The following GPC6 variants were observed in gnomAD, a reference collection of about 807,000 sequenced individuals.
GPC6 encodes the protein glypican-6.
Under a neutral mutation model 55.2 loss-of-function variants are expected in GPC6, and 14 were observed. That is an observed-to-expected ratio of 0.25 (90% CI 0.17 to 0.40). The LOEUF is 0.40. GPC6 is among the 10% of genes least tolerant of loss of function. The pLI is 1.00. For synonymous variants in GPC6, 278 were observed against 259.6 expected (o/e 1.07, Z -0.68); for missense variants, 641 against 708.5 (o/e 0.90, Z 1.08).
At chr13:93,727,877 A>G (rs553774640) in intron 2 of GPC6, among the ~76,000 whole-genome samples, 1 of 152,044 alleles carries the variant, frequency 6.6e-6, no homozygotes, top group Admixed American at 6.6e-5. Context: ...GCTGCTAAAC[A>G]TTCCTAACCA....
intron 1 of GPC6, among the ~76,000 whole-genome samples, chr13:93,290,815 G>A (rs1180804548): frequency 6.6e-6 from 1 of 151,984 alleles, no homozygotes; most frequent in African/African-American, 2.4e-5. Context: ...TTGTAACTTG[G>A]CCATGAAGAA....
At chr13:93,939,246 A>G (rs2140361210) in intron 3 of GPC6, among the ~76,000 whole-genome samples, 1 of 151,476 alleles carries the variant, frequency 6.6e-6, no homozygotes, top group Non-Finnish European at 1.5e-5. Flanking sequence ...AAAAAGAGAA[A>G]TTCTTCTTTA....
In GPC6 at chr13:94,201,608, T is replaced by G. The variant is rs1031394913; in HGVS notation, c.878-84741T>G. ...GTCATGATCACCTAAATACTTGCATTTGGAAGCATATAATAAGCATCAGCT... is the reference window on the plus strand; with the variant it reads ...GTCATGATCACCTAAATACTTGCATGTGGAAGCATATAATAAGCATCAGCT... On this transcript the variant is annotated intron_variant, in intron 4 of 8. Coordinates refer to ENST00000377047, the MANE Select transcript of GPC6 (RefSeq NM_005708.5). Among the ~76,000 whole-genome samples the G allele has an allele frequency of 2.0e-5, 3 of 152,254 alleles. No homozygotes were observed. The South Asian group carries it at 6.2e-4, about 32-fold the overall frequency.
intron 2 of GPC6, 134 bp from the exon 3 acceptor site, chr13:93,830,020 T>A (rs779340526): frequency 4.3e-5 from 27 of 623,348 alleles, no homozygotes; most frequent in Non-Finnish European, 6.9e-5. Flanking sequence ...TTTTTATCTG[T>A]CCATTAACAC....
chr13:93,395,476 T>A, intron 1 of GPC6: 1 of 207,450 alleles, frequency 4.8e-6, no homozygotes, highest in Non-Finnish European at 9.8e-6. Context: ...TCACATCAAT[T>A]TTCCCATACT....
chr13:93,535,652 G>T (rs1320518885), intron 1 of GPC6, among the ~76,000 whole-genome samples: 2 of 146,196 alleles, frequency 1.4e-5, no homozygotes, highest in Non-Finnish European at 3.0e-5. Context: ...GATGGACTGT[G>T]TATCAGCCAC....
rs1215125710 is a variant in GPC6 at position 94,169,643 on chromosome 13, A to G, written c.878-116706A>G. Among the ~76,000 whole-genome samples the G allele has an allele frequency of 5.3e-5, 8 of 152,226 alleles. No homozygotes were observed. The South Asian group carries it at 1.4e-3, about 28-fold the overall frequency. On this transcript the variant is annotated intron_variant, in intron 4 of 8. Transcript: ENST00000377047. ...CCACAACAAATTACAAAGGCATATT[A>G]GAAAGCACTGCTACAAAGGAATGAA...
intron 3 of GPC6, among the ~76,000 whole-genome samples, chr13:93,961,581 C>T (rs185594151): frequency 5.6e-4 from 85 of 152,228 alleles, no homozygotes; most frequent in African/African-American, 2.0e-3. Context: ...TTTTGAAATG[C>T]ATAGACCATC....
At chr13:94,060,300 T>C (rs997303216) in intron 4 of GPC6, among the ~76,000 whole-genome samples, 26 of 152,186 alleles carry the variant, frequency 1.7e-4, no homozygotes, top group Non-Finnish European at 3.8e-4. Flanking sequence ...TTCTTTTGAA[T>C]CTTTATTATC....
chr13:93,310,674 G>T (rs939709093), intron 1 of GPC6, among the ~76,000 whole-genome samples: 9 of 152,048 alleles, frequency 5.9e-5, no homozygotes, highest in Non-Finnish European at 1.2e-4. Context: ...ATTTTCCCAT[G>T]GTTTTATTAT....
At chr13:94,264,295 T>C (rs989099937) in intron 4 of GPC6, among the ~76,000 whole-genome samples, 2 of 152,242 alleles carry the variant, frequency 1.3e-5, no homozygotes, top group African/African-American at 4.8e-5. Flanking sequence ...ATTCATTTAT[T>C]GAATCTCTTT....
chr13:93,615,569 A>G (rs1428205088), intron 2 of GPC6, among the ~76,000 whole-genome samples: 1 of 152,170 alleles, frequency 6.6e-6, no homozygotes, highest in Admixed American at 6.5e-5. Flanking sequence ...GCTTTCACAT[A>G]GATCACGCAT....
intron 1 of GPC6, among the ~76,000 whole-genome samples, chr13:93,231,338 T>G (rs867415542): frequency 0.29 from 20,854 of 72,824 alleles, 2,243 homozygotes; most frequent in Admixed American, 0.41. Context: ...TACGTATATA[T>G]ATATATACAT....
intron 2 of GPC6, among the ~76,000 whole-genome samples, chr13:93,677,712 T>C (rs1881689939): frequency 6.6e-6 from 1 of 152,126 alleles, no homozygotes; most frequent in Non-Finnish European, 1.5e-5. Context: ...GTCACATGAC[T>C]AATTACAAGG....
intron 4 of GPC6, among the ~76,000 whole-genome samples, chr13:94,038,248 C>T (rs1377776262): frequency 6.6e-6 from 1 of 151,850 alleles, no homozygotes; most frequent in African/African-American, 2.4e-5. Flanking sequence ...CTGTATTGGA[C>T]AGGCAGGCTT....
At chr13:94,091,305 T>G (rs558248096) in intron 4 of GPC6, among the ~76,000 whole-genome samples, 1 of 150,826 alleles carries the variant, frequency 6.6e-6, no homozygotes, top group Non-Finnish European at 1.5e-5. Context: ...TACCGGGATA[T>G]AAACTTGCAA....
intron 6 of GPC6, among the ~76,000 whole-genome samples, chr13:94,363,054 C>T (rs550789302): frequency 2.6e-5 from 4 of 152,144 alleles, no homozygotes; most frequent in South Asian, 4.2e-4. Flanking sequence ...CCCCACCCCC[C>T]GACAGGCCCT....
chr13:94,223,345 CT>C (rs1256689100), intron 4 of GPC6, among the ~76,000 whole-genome samples: 3 of 152,080 alleles, frequency 2.0e-5, no homozygotes, highest in African/African-American at 7.2e-5. Context: ...ACTGACTTTC[CT>C]TGAGGTCATT....
intron 7 of GPC6, among the ~76,000 whole-genome samples, chr13:94,384,618 A>C (rs948407205): frequency 6.6e-6 from 1 of 152,250 alleles, no homozygotes; most frequent in African/African-American, 2.4e-5. Context: ...TGAATGGGGA[A>C]TATAAAGACC....
Sources: gnomAD v4.1 joint callset for allele counts (sites outside exome capture counted in the v4.1 genomes callset) on GRCh38, gnomAD v4.1.1 for gene constraint, MANE v1.5 for transcripts, NCBI Gene and HGNC (gene_info 2026-07-23, HGNC 2026-07-21) for gene names.